Variants in AMMECR1 observed in about 807,000 individuals in gnomAD.
AMMECR1 encodes the protein nuclear protein AMMECR1.
A neutral mutation model predicts 22.5 loss-of-function variants in AMMECR1; 3 were observed. The ratio of observed to expected loss-of-function variants is 0.13; its 90% CI spans 0.06 to 0.35. AMMECR1 has a LOEUF of 0.35. Among genes scored for constraint, AMMECR1 ranks in the 10% least tolerant of loss-of-function variants. AMMECR1 has a pLI of 1.00. For missense variants in AMMECR1, 235 were observed against 278.7 expected, an observed-to-expected ratio of 0.84 and a Z score of 1.12; for synonymous variants, 130 against 116.7, an observed-to-expected ratio of 1.11 and a Z score of -0.74.
At chrX:110,280,206 G>A (rs753782374) in intron 1 of AMMECR1, among the ~76,000 whole-genome samples, 25 of 111,415 alleles carry the variant, frequency 2.2e-4, no homozygotes, top group Non-Finnish European at 4.0e-4. Flanking sequence ...TGGTCACATA[G>A]CTGCTAAGTG....
chrX:110,212,613 C>G (rs981624351), intron 3 of AMMECR1, among the ~76,000 whole-genome samples: 2 of 112,249 alleles, frequency 1.8e-5, no homozygotes, highest in Non-Finnish European at 3.8e-5. Context: ...CAGGACTTCA[C>G]ATTTCAGGTT....
At chrX:110,281,834 A>G (rs1327913825) in intron 1 of AMMECR1, among the ~76,000 whole-genome samples, 1 of 112,478 alleles carries the variant, frequency 8.9e-6, no homozygotes, top group African/African-American at 3.2e-5. Flanking sequence ...TCTTCACAGT[A>G]CACATCACTA....
chrX:110,405,087 G>GT (rs1458915696), intron 2 of AMMECR1, among the ~76,000 whole-genome samples: 16 of 76,618 alleles, frequency 2.1e-4, no homozygotes, highest in East Asian at 3.4e-4. Context: ...TGCTTGTTGT[G>GT]TCCCCCCCCC....
At chrX:110,232,889 C>CAAAAAA (rs775605567) in intron 2 of AMMECR1, among the ~76,000 whole-genome samples, 25 of 11,908 alleles carry the variant, frequency 2.1e-3, no homozygotes, top group Non-Finnish European at 2.3e-3. Context: ...GACTCAGTCT[C>CAAAAAA]AAAAAAAAAA....
intron 2 of AMMECR1, among the ~76,000 whole-genome samples, chrX:110,347,490 C>G (rs1041634120): frequency 8.9e-6 from 1 of 112,769 alleles, no homozygotes; most frequent in East Asian, 2.8e-4. Context: ...GTTAGTTCTT[C>G]GCTAATTCTG....
chrX:110,261,032 TGGA>T (rs1366608587), intron 2 of AMMECR1, among the ~76,000 whole-genome samples: 13 of 111,086 alleles, frequency 1.2e-4, no homozygotes, highest in Admixed American at 8.6e-4. Flanking sequence ...TGCCAGGGCC[TGGA>T]GGAGGAAGAA....
At chrX:110,298,483 G>A (rs1318798985) in intron 1 of AMMECR1, among the ~76,000 whole-genome samples, 2 of 110,940 alleles carry the variant, frequency 1.8e-5, no homozygotes, top group Admixed American at 9.7e-5. Context: ...TTGCAGGTAT[G>A]ATATGAAAAC....
At chrX:110,390,055 A>G (rs1227462156) in intron 2 of AMMECR1, among the ~76,000 whole-genome samples, 1 of 111,971 alleles carries the variant, frequency 8.9e-6, no homozygotes, top group Admixed American at 9.4e-5. Context: ...ACAAGATACA[A>G]ACTTGACCCA....
intron 1 of AMMECR1, among the ~76,000 whole-genome samples, chrX:110,278,724 C>T: frequency 8.9e-6 from 1 of 112,009 alleles, no homozygotes; most frequent in Non-Finnish European, 1.9e-5. Flanking sequence ...TCCAGCTGAA[C>T]TGCTAGGTAC....
At chrX:110,395,123 T>A (rs984121015) in intron 2 of AMMECR1, among the ~76,000 whole-genome samples, 7 of 112,612 alleles carry the variant, frequency 6.2e-5, no homozygotes, top group Non-Finnish European at 1.1e-4. Context: ...GGCTGCTTTG[T>A]GGGAAGCCAA....
At chrX:110,241,877 T>A (rs953356399) in intron 2 of AMMECR1, among the ~76,000 whole-genome samples, 2 of 112,011 alleles carry the variant, frequency 1.8e-5, no homozygotes, top group African/African-American at 6.5e-5. Context: ...ATAATCATTA[T>A]GAAATAAATA....
chrX:110,220,464 A>G (rs978559083), intron 2 of AMMECR1, among the ~76,000 whole-genome samples: 2 of 111,853 alleles, frequency 1.8e-5, no homozygotes, highest in Admixed American at 1.9e-4. Context: ...AAAGCATTTT[A>G]TACCAAAGTA....
chrX:110,415,706 G>C (rs1040800966), intron 2 of AMMECR1, among the ~76,000 whole-genome samples: 3 of 111,131 alleles, frequency 2.7e-5, no homozygotes, highest in African/African-American at 9.8e-5. Flanking sequence ...CCTGGGTTGA[G>C]GTATTTCTTT....
intron 2 of AMMECR1, among the ~76,000 whole-genome samples, chrX:110,234,899 C>G (rs770859590): frequency 8.9e-6 from 1 of 112,144 alleles, no homozygotes; most frequent in East Asian, 2.8e-4. Context: ...CTATGCAATA[C>G]CATTCAGGAC....
At chrX:110,339,958 G>A (rs942315904) in intron 2 of AMMECR1, among the ~76,000 whole-genome samples, 1 of 100,239 alleles carries the variant, frequency 1.0e-5, no homozygotes, top group African/African-American at 3.8e-5. Context: ...TTTTGCTGTA[G>A]TTGAAGGCAA....
At chrX:110,439,858 A>G in intron 1 of AMMECR1, 1 of 111,015 alleles carries the variant, frequency 9.0e-6, no homozygotes, top group East Asian at 2.8e-4. Context: ...TCCCCAAAAG[A>G]CAGCATGAGC....
intron 2 of AMMECR1, among the ~76,000 whole-genome samples, chrX:110,394,289 C>T (rs960251714): frequency 7.1e-5 from 8 of 111,893 alleles, no homozygotes; most frequent in East Asian, 2.8e-4. Flanking sequence ...TCACTCCTCT[C>T]GCCCAGGCTG....
chrX:110,370,883 G>T (rs1027118054), intron 2 of AMMECR1, among the ~76,000 whole-genome samples: 2 of 111,867 alleles, frequency 1.8e-5, no homozygotes, highest in African/African-American at 6.5e-5. Flanking sequence ...TTTGGACCTC[G>T]TACAGTTTGT....
At chrX:110,282,940 C>T (rs1260221133) in intron 1 of AMMECR1, among the ~76,000 whole-genome samples, 1 of 111,868 alleles carries the variant, frequency 8.9e-6, no homozygotes, top group Non-Finnish European at 1.9e-5. Flanking sequence ...ATGACACTAC[C>T]AACCAAGGAT....
Sources: gnomAD v4.1 joint callset for allele counts (sites outside exome capture counted in the v4.1 genomes callset) on GRCh38, gnomAD v4.1.1 for gene constraint, MANE v1.5 for transcripts, NCBI Gene and HGNC (gene_info 2026-07-23, HGNC 2026-07-21) for gene names.